PTPN13: variants seen among roughly 807,000 people sequenced by gnomAD.
PTPN13 encodes protein tyrosine phosphatase non-receptor type 13.
In PTPN13, 191 loss-of-function variants were observed where a neutral mutation model predicts 284.0. That is an observed-to-expected ratio of 0.67 (90% CI 0.60 to 0.76). The LOEUF (loss-of-function observed/expected upper bound fraction) is 0.76. PTPN13 is among the 30% of genes least tolerant of loss of function. PTPN13 has a pLI of 0.00. For synonymous variants in PTPN13, 986 were observed against 1,022.3 expected (o/e 0.96, Z 0.68); for missense variants, 2,797 against 2,939.9 (o/e 0.95, Z 1.12).
chr4:86,657,804 C>T (rs1398541228), intron 2 of PTPN13, among the ~76,000 whole-genome samples: 3 of 152,148 alleles, frequency 2.0e-5, no homozygotes, highest in Non-Finnish European at 2.9e-5. Context: ...TTGGGGGCTT[C>T]GGGAATCTGC....
chr4:86,725,749 T>G (rs1734175273), intron 10 of PTPN13, among the ~76,000 whole-genome samples: 1 of 149,728 alleles, frequency 6.7e-6, no homozygotes, highest in Non-Finnish European at 1.5e-5. Flanking sequence ...TTGCAAAAAT[T>G]TTCTCCCATT....
chr4:86,672,363 A>T lies in PTPN13; in HGVS notation c.116-2A>T. 6.5e-7 allele frequency: 1 copy of T among 1,528,844 alleles called. No individual in the cohort carries two copies. The highest frequency in any genetic ancestry group is 8.8e-7 in the Non-Finnish European group (1 of 1,140,232). The allele number at this position is 1,528,844 out of a possible 1,614,324, so 94.7% of individuals were successfully genotyped here. On this transcript the variant is annotated splice_acceptor_variant, in intron 2 of 47. Transcript: ENST00000411767. LOFTEE classifies it high-confidence loss of function. ...TTTTATTTTGGTGCAATTACAAACC[A>T]GTAAGCCTAGCTGATCCTGCTGCCC...
At chr4:86,677,539 G>A (rs111382456) in intron 3 of PTPN13, among the ~76,000 whole-genome samples, 7,590 of 151,170 alleles carry the variant, frequency 0.05, 260 homozygotes, top group African/African-American at 0.073. Context: ...GGTCTCGATC[G>A]CTTGACCTCG....
intron 2 of PTPN13, among the ~76,000 whole-genome samples, chr4:86,669,291 A>G (rs998700002): frequency 8.0e-6 from 1 of 124,560 alleles, no homozygotes; most frequent in Non-Finnish European, 1.7e-5. Context: ...AGATGTATAT[A>G]TATATATATA....
At position 86,722,287 on chromosome 4, in the gene PTPN13, G is replaced by T. The variant is rs1191932824; in HGVS notation, c.1461G>T (p.Leu487=). 18 of 1,613,722 alleles carry T rather than the reference G, an allele frequency of 1.1e-5. No homozygotes were observed. Among genetic ancestry groups the T allele is most frequent in the Non-Finnish European group, 1.5e-5 (18 of 1,179,804 alleles). The change falls in exon 10 of 48, where the codon CTG becomes CTT. Residue 487 remains leucine (L), a synonymous_variant. Transcript: ENST00000411767. ...EIMLKRQEEE[L]MQLQAKMALR... ...TGCTAAAACGGCAAGAGGAAGAACT[G>T]ATGCAGCTACAAGCCAAAATGGCCC...
At chr4:86,727,644 G>A (rs1173833330) in intron 10 of PTPN13, among the ~76,000 whole-genome samples, 1 of 149,228 alleles carries the variant, frequency 6.7e-6, no homozygotes, top group Non-Finnish European at 1.5e-5. Context: ...GTATTTCTGT[G>A]GGATCGATGT....
At chr4:86,660,127 A>T (rs1726310714) in intron 2 of PTPN13, among the ~76,000 whole-genome samples, 3 of 152,192 alleles carry the variant, frequency 2.0e-5, no homozygotes, top group Admixed American at 2.0e-4. Context: ...CAATCATCTC[A>T]AATTTAAAAT....
At chr4:86,788,435 T>C (rs1742241621) in intron 40 of PTPN13, among the ~76,000 whole-genome samples, 1 of 152,234 alleles carries the variant, frequency 6.6e-6, no homozygotes, top group Non-Finnish European at 1.5e-5. Context: ...TAACAGTATA[T>C]TCTGTAACTT....
chr4:86,630,181 C>T (rs899340979), intron 1 of PTPN13, among the ~76,000 whole-genome samples: 1 of 152,032 alleles, frequency 6.6e-6, no homozygotes, highest in South Asian at 2.1e-4. Flanking sequence ...AGTTAACATC[C>T]CATAAACACT....
chr4:86,788,211 T>C (rs1742209969), intron 40 of PTPN13, among the ~76,000 whole-genome samples: 1 of 152,170 alleles, frequency 6.6e-6, no homozygotes, highest in African/African-American at 2.4e-5. Context: ...GCAGACAAAT[T>C]TAAAATTTGC....
chr4:86,708,242 T>TTTA (rs1731984920), intron 7 of PTPN13, among the ~76,000 whole-genome samples: 1 of 152,170 alleles, frequency 6.6e-6, no homozygotes, highest in Non-Finnish European at 1.5e-5. Context: ...TATTCCCATA[T>TTTA]GATATTAGGT....
At chr4:86,771,680 A>T in intron 31 of PTPN13, 145 bp downstream of exon 31, 1 of 921,692 alleles carries the variant, frequency 1.1e-6, no homozygotes, top group Non-Finnish European at 1.6e-6. Context: ...TTGGATGTCT[A>T]GCTATTGTGA....
intron 40 of PTPN13, among the ~76,000 whole-genome samples, chr4:86,787,592 CA>C (rs71657586): frequency 2.5e-3 from 325 of 130,492 alleles, no homozygotes; most frequent in Middle Eastern, 4.2e-3. Context: ...GATTCTGTCT[CA>C]AAAAAAAAAA....
chr4:86,800,541 A>G (rs545843627), intron 42 of PTPN13, among the ~76,000 whole-genome samples: 1 of 152,080 alleles, frequency 6.6e-6, no homozygotes, highest in African/African-American at 2.4e-5. Context: ...GATCCCAGCT[A>G]CTCGGGAGGC....
intron 17 of PTPN13, among the ~76,000 whole-genome samples, chr4:86,746,468 A>T (rs1316165802): frequency 6.6e-6 from 1 of 152,084 alleles, no homozygotes; most frequent in Non-Finnish European, 1.5e-5. Context: ...GCAACCTATG[A>T]CTAGATGTTT....
intron 15 of PTPN13, among the ~76,000 whole-genome samples, chr4:86,738,666 CT>C (rs1735801028): frequency 6.6e-6 from 1 of 152,046 alleles, no homozygotes; most frequent in African/African-American, 2.4e-5. Flanking sequence ...TAGTCTGTGG[CT>C]TGCCTTACAT....
At chr4:86,613,566 G>A (rs942722886) in intron 1 of PTPN13, among the ~76,000 whole-genome samples, 3 of 150,804 alleles carry the variant, frequency 2.0e-5, no homozygotes, top group South Asian at 2.1e-4. Flanking sequence ...CCCGGGAGGC[G>A]GCGCTTGCAG....
chr4:86,682,857 G>A lies in PTPN13; in HGVS notation c.295-3853G>A, dbSNP rs546671851. Among the ~76,000 whole-genome samples the A allele has an allele frequency of 2.0e-5, 3 of 152,278 alleles. No homozygotes were observed. In the South Asian group the frequency reaches 6.2e-4, roughly 32 times the overall value. On this transcript the variant is annotated intron_variant, in intron 3 of 47. Transcript: ENST00000411767. ...CCTGTACTGACTGTTTGGAATAAAT[G>A]TAAAAGCATTTTTCTTTGTATTCTG...
chr4:86,678,818 A>G (rs1481060880), intron 3 of PTPN13, among the ~76,000 whole-genome samples: 1 of 152,206 alleles, frequency 6.6e-6, no homozygotes, highest in Non-Finnish European at 1.5e-5. Context: ...ATGTCTACAT[A>G]TATTAGCTTT....
Sources: allele counts gnomAD v4.1 joint callset (sites outside exome capture counted in the v4.1 genomes callset), GRCh38; gene constraint gnomAD v4.1.1; transcripts MANE v1.5; gene names NCBI Gene and HGNC (gene_info 2026-07-23, HGNC 2026-07-21).